The following HTR1D variants were observed in gnomAD, a reference collection of about 807,000 sequenced individuals.
The protein encoded by HTR1D is 5-hydroxytryptamine receptor 1D.
In HTR1D, 18 loss-of-function variants were observed where a neutral mutation model predicts 21.1. The observed-to-expected ratio is 0.85, with a 90% CI of 0.59 to 1.27. The LOEUF is 1.27. Ranked by LOEUF, HTR1D falls within the 50% of genes most tolerant of loss-of-function variation. The pLI is 0.00. For synonymous variants in HTR1D, 196 were observed against 204.4 expected (o/e 0.96, Z 0.35); for missense variants, 456 against 481.4 (o/e 0.95, Z 0.49).
At chr1:23,204,376 C>T (rs1007427798) in intron 1 of HTR1D, among the ~76,000 whole-genome samples, 8 of 152,214 alleles carry the variant, frequency 5.3e-5, no homozygotes, top group African/African-American at 1.9e-4. Context: ...CCACCCGCCT[C>T]GGCCTCCCAA....
intron 1 of HTR1D, among the ~76,000 whole-genome samples, chr1:23,211,277 C>T (rs1644752398): frequency 6.6e-6 from 1 of 152,156 alleles, no homozygotes; most frequent in African/African-American, 2.4e-5. Flanking sequence ...TGTGGACTCT[C>T]CTCTTAGGAG....
Position 23,202,947 on chromosome 1 carries a change from C to T in HTR1D, c.-782-7946G>A, listed in dbSNP as rs141383623. On this transcript the variant is annotated intron_variant, in intron 1 of 1. Transcript: ENST00000374619. ...CTTTTTTTTTTGAGACAGAGTCTCA[C>T]TCTGTCACCAAGGCTGGTGTGCAGT... is the stretch of plus-strand genomic sequence containing the variant. Among the ~76,000 whole-genome samples the T allele has an allele frequency of 6.7e-3, 1,015 of 152,114 alleles. 13 individuals carry two copies. The highest frequency in any genetic ancestry group is 0.022 in the African/African-American group (933 of 41,512).
intron 1 of HTR1D, among the ~76,000 whole-genome samples, chr1:23,214,105 G>A (rs1644764673): frequency 6.6e-6 from 1 of 152,194 alleles, no homozygotes; most frequent in Non-Finnish European, 1.5e-5. Flanking sequence ...GTAGGCCCTG[G>A]AGAAAGATCA....
In HTR1D at chr1:23,193,986, G is replaced by T; in HGVS notation, c.234C>A (p.Gly78=). 6.2e-7 allele frequency: 1 copy of T among 1,614,084 alleles called. No individual in the cohort carries two copies. The highest frequency in any genetic ancestry group is 2.2e-5 in the East Asian group (1 of 44,878). The part of the protein sequence containing the change: ...KLHTPANYLI[G]SLATTDLLVS... ...CCAAGAGGTCGGTGGTGGCCAGGGA[G>T]CCAATCAGGTAGTTGGCAGGGGTGT... The change falls in exon 2 of 2, where the codon GGC becomes GGA. Residue 78 remains glycine (G), a synonymous_variant. Coordinates refer to ENST00000374619, the MANE Select transcript of HTR1D (RefSeq NM_000864.5).
chr1:23,210,380 G>T (rs1405887843), intron 1 of HTR1D, among the ~76,000 whole-genome samples: 1 of 152,194 alleles, frequency 6.6e-6, no homozygotes. Context: ...GCCCAGCCAG[G>T]TCTGCAGTTC....
chr1:23,203,985 A>T (rs1353509473), intron 1 of HTR1D, among the ~76,000 whole-genome samples: 1 of 152,186 alleles, frequency 6.6e-6, no homozygotes, highest in Non-Finnish European at 1.5e-5. Flanking sequence ...TCTAGAAAAA[A>T]ATGTTAAAAA....
intron 1 of HTR1D, among the ~76,000 whole-genome samples, chr1:23,201,889 T>C (rs1332847295): frequency 2.6e-5 from 4 of 151,942 alleles, no homozygotes; most frequent in Non-Finnish European, 5.9e-5. Flanking sequence ...CACCAACCAA[T>C]CCCTACTGTG....
intron 1 of HTR1D, among the ~76,000 whole-genome samples, chr1:23,199,042 T>C (rs1644700286): frequency 6.6e-6 from 1 of 150,746 alleles, no homozygotes; most frequent in Admixed American, 6.6e-5. Flanking sequence ...TTTTTTTTAG[T>C]AGAGATGGGG....
Position 23,193,515 on chromosome 1 carries a change from A to G in HTR1D, c.705T>C (p.Tyr235=). The G allele has an allele frequency of 6.2e-7, 1 of 1,614,036 alleles. No individual in the cohort carries two copies. The highest frequency in any genetic ancestry group is 2.2e-5 in the East Asian group (1 of 44,868). The change falls in exon 2 of 2, where the codon TAT becomes TAC. Residue 235 remains tyrosine, a synonymous_variant. Transcript: ENST00000374619. ...RNRILNPPSL[Y]GKRFTTAHLI... ...GGTGGGCCGTGGTGAAGCGCTTCCCATAGAGTGAGGGTGGATTCAGGATGC... is the reference window on the plus strand; with the variant it reads ...GGTGGGCCGTGGTGAAGCGCTTCCCGTAGAGTGAGGGTGGATTCAGGATGC...
At chr1:23,215,954 C>G (rs1284243422) in intron 1 of HTR1D, among the ~76,000 whole-genome samples, 1 of 152,218 alleles carries the variant, frequency 6.6e-6, no homozygotes, top group Non-Finnish European at 1.5e-5. Context: ...CCCTGCCAGT[C>G]AAGTCCAGCT....
chr1:23,213,581 A>G (rs1199027194), intron 1 of HTR1D, among the ~76,000 whole-genome samples: 1 of 152,172 alleles, frequency 6.6e-6, no homozygotes, highest in East Asian at 1.9e-4. Flanking sequence ...ACTCCCCTAC[A>G]CATTCTGTAT....
At chr1:23,195,687 C>T (rs756440170) in intron 1 of HTR1D, among the ~76,000 whole-genome samples, 10 of 152,186 alleles carry the variant, frequency 6.6e-5, no homozygotes, top group Non-Finnish European at 1.3e-4. Context: ...TCCGCTGCCT[C>T]GGCCGCCCAA....
At chr1:23,209,584 T>C (rs1644745543) in intron 1 of HTR1D, among the ~76,000 whole-genome samples, 1 of 152,146 alleles carries the variant, frequency 6.6e-6, no homozygotes, top group Non-Finnish European at 1.5e-5. Context: ...ATTGAGAGTT[T>C]ACTATCTGCC....
chr1:23,194,139 C>T lies in HTR1D; in HGVS notation c.81G>A (p.Glu27=). Residue 27 remains glutamate (E), a synonymous_variant, in exon 2 of 2, where the codon GAG becomes GAA. Transcript: ENST00000374619. ...CCTGGAGGGTCCTGGGATCCCAAGC[C>T]TCTGAGGTTTCTGTGGCATTCAGGG... ...NRSLNATETS[E]AWDPRTLQAL... 2 of 1,614,114 alleles carry T rather than the reference C, an allele frequency of 1.2e-6. No homozygotes were observed. The highest frequency in any genetic ancestry group is 1.7e-6 in the Non-Finnish European group (2 of 1,180,030).
Position 23,193,744 on chromosome 1 carries a change from A to G in HTR1D, c.476T>C (p.Ile159Thr), listed in dbSNP as rs1417444935. Reference protein sequence around the residue: ...RRTAGHAATMIAIVWAISICI... With the variant: ...RRTAGHAATMTAIVWAISICI... ...GATGGAGATGGCCCAGACAATGGCG[A>G]TCATGGTGGCCGCGTGGCCAGCCGT... The change falls in exon 2 of 2, where the codon ATC becomes ACC. Residue 159 changes from isoleucine to threonine, a missense_variant. By Grantham distance (89) the Ile-to-Thr change is moderately conservative (BLOSUM62 -1). Coordinates refer to ENST00000374619, the MANE Select transcript of HTR1D (RefSeq NM_000864.5). The G allele has an allele frequency of 1.2e-6, 2 of 1,614,164 alleles. No homozygotes were observed. The highest frequency in any genetic ancestry group is 3.3e-5 in the Admixed American group (2 of 60,022).
chr1:23,214,179 C>T (rs1177454134), intron 1 of HTR1D, among the ~76,000 whole-genome samples: 2 of 152,294 alleles, frequency 1.3e-5, no homozygotes, highest in East Asian at 3.9e-4. Context: ...GTAATTCCAA[C>T]ACTTCGGGAG....
rs1161403356 is a variant in HTR1D, at chr1:23,193,605, G to A, written c.615C>T (p.Ala205=). ...TGAGCAACACCGAGGGAATGTAGAA[G>A]GCCCCACAGGTGGAGTAGATGGTGT... ...ISYTIYSTCG[A]FYIPSVLLII... The change falls in exon 2 of 2, where the codon GCC becomes GCT. Residue 205 remains alanine, a synonymous_variant. Transcript: ENST00000374619. 6.2e-7 allele frequency: 1 copy of A among 1,614,154 alleles called. No homozygotes were observed. The highest frequency in any genetic ancestry group is 8.5e-7 in the Non-Finnish European group (1 of 1,180,016).
rs894736108 is a variant in HTR1D at position 23,192,952 on chromosome 1, C to G, written c.*134G>C. ...GTTAAGAAAACAACAGGAAAAAGAA[C>G]AATTCTGTTGATTGAACCAAGACTC... is the stretch of plus-strand genomic sequence containing the variant. On this transcript the variant is annotated 3_prime_UTR_variant, in exon 2 of 2. Transcript: ENST00000374619. The G allele has an allele frequency of 6.3e-6, 2 of 319,816 alleles. No homozygotes were observed. The highest frequency in any genetic ancestry group is 7.0e-5 in the Admixed American group (1 of 14,250). The allele number at this position is 319,816 out of a possible 1,614,324, so 19.8% of individuals were successfully genotyped here. A position where few individuals can be genotyped will look rare whatever the true frequency, so the allele number is the denominator to read the frequency against.
rs146050434 is a variant in HTR1D, at chr1:23,199,402, C to T, written c.-782-4401G>A. Among the ~76,000 whole-genome samples the T allele has an allele frequency of 1.1e-3, 157 of 138,188 alleles. 1 individual carries two copies. Among genetic ancestry groups the T allele is most frequent in the African/African-American group, 4.0e-3 (148 of 36,646 alleles). The allele number at this position is 138,188 out of a possible 152,430, so 90.7% of individuals were successfully genotyped here. A position where few individuals can be genotyped will look rare whatever the true frequency, so the allele number is the denominator to read the frequency against. The stretch of plus-strand genomic sequence containing the variant: ...AAGTGCTGGGATTACAGGTGTGAGC[C>T]GCCATGTGTGGTCTTTTTTTTTTTT... On this transcript the variant is annotated intron_variant, in intron 1 of 1. Coordinates refer to ENST00000374619, the MANE Select transcript of HTR1D (RefSeq NM_000864.5).
Sources: gnomAD v4.1 joint callset for allele counts (sites outside exome capture counted in the v4.1 genomes callset) on GRCh38, gnomAD v4.1.1 for gene constraint, MANE v1.5 for transcripts, NCBI Gene and HGNC (gene_info 2026-07-23, HGNC 2026-07-21) for gene names.